IL1RL2: variants seen among roughly 807,000 people sequenced by gnomAD.
IL1RL2 encodes the protein interleukin 1 receptor like 2.
In IL1RL2, 68 loss-of-function variants were observed where a neutral mutation model predicts 66.8. The observed-to-expected ratio is 1.02, with a 90% CI of 0.84 to 1.25. The LOEUF (loss-of-function observed/expected upper bound fraction) is 1.25. IL1RL2 is among the 50% of genes most tolerant of loss of function. The probability of loss-of-function intolerance (pLI) is 0.00; values close to 1 mark genes in which losing one functional copy is unlikely to be tolerated. For missense variants in IL1RL2, 729 were observed against 709.3 expected (o/e 1.03, Z -0.32); for synonymous variants, 305 against 264.6 (o/e 1.15, Z -1.48).
At chr2:102,237,641 G>A (rs143268078) in intron 11 of IL1RL2, among the ~76,000 whole-genome samples, 6 of 152,308 alleles carry the variant, frequency 3.9e-5, no homozygotes, top group East Asian at 1.9e-4. Context: ...GAGAGAAATC[G>A]AGATGCAAAG....
At chr2:102,207,622 C>G (rs1346499163) in intron 5 of IL1RL2, among the ~76,000 whole-genome samples, 4 of 152,024 alleles carry the variant, frequency 2.6e-5, no homozygotes, top group African/African-American at 7.3e-5. Context: ...CAAGTGAAGT[C>G]CTCTCCGCTC....
At chr2:102,242,701 A>G (rs1403062846), downstream of IL1RL2, among the ~76,000 whole-genome samples, 1 of 152,202 alleles carries the variant, frequency 6.6e-6, no homozygotes, top group African/African-American at 2.4e-5. Flanking sequence ...TACTGAGTCC[A>G]TTGATTCCTG....
intron 6 of IL1RL2, among the ~76,000 whole-genome samples, 169 bp downstream of exon 6, chr2:102,212,343 C>G (rs376842916): frequency 6.6e-6 from 1 of 152,086 alleles, no homozygotes. Flanking sequence ...AATAAAACAC[C>G]AGAGAGCCGA....
At chr2:102,199,063 G>C (rs565890315) in intron 4 of IL1RL2, among the ~76,000 whole-genome samples, 2 of 152,178 alleles carry the variant, frequency 1.3e-5, no homozygotes, top group South Asian at 4.2e-4. Flanking sequence ...TAGAAGTCCT[G>C]CTCCCTCTGC....
chr2:102,199,871 T>C (rs1688093246), intron 4 of IL1RL2, among the ~76,000 whole-genome samples: 1 of 151,990 alleles, frequency 6.6e-6, no homozygotes, highest in Admixed American at 6.6e-5. Flanking sequence ...CATTGTACTT[T>C]GTTTGGGCTG....
chr2:102,195,587 TTC>T (rs1399776957), intron 4 of IL1RL2, among the ~76,000 whole-genome samples: 1 of 16,650 alleles, frequency 6.0e-5, no homozygotes, highest in African/African-American at 1.8e-4. Context: ...CTTTCTTTCT[TTC>T]TTTCTTTCTT....
At chr2:102,232,514 G>A (rs1009037112) in intron 9 of IL1RL2, among the ~76,000 whole-genome samples, 1 of 152,142 alleles carries the variant, frequency 6.6e-6, no homozygotes, top group Non-Finnish European at 1.5e-5. Context: ...ATTTTCTTTG[G>A]AGAGTCTTGT....
intron 5 of IL1RL2, 128 bp from the exon 6 acceptor site, chr2:102,211,972 A>T: frequency 3.7e-6 from 2 of 547,782 alleles, no homozygotes; most frequent in Non-Finnish European, 3.2e-6. Flanking sequence ...ATGTGTATTT[A>T]TGGAGTGAGA....
intron 11 of IL1RL2, among the ~76,000 whole-genome samples, chr2:102,238,054 T>C (rs1236553666): frequency 6.6e-6 from 1 of 152,172 alleles, no homozygotes; most frequent in East Asian, 1.9e-4. Flanking sequence ...ACAAAGTTTT[T>C]TAATACTATG....
chr2:102,242,394 T>C (rs906048241), downstream of IL1RL2, among the ~76,000 whole-genome samples: 1 of 152,196 alleles, frequency 6.6e-6, no homozygotes, highest in Non-Finnish European at 1.5e-5. Flanking sequence ...AATTAAGAAC[T>C]GTCTCCCATG....
At chr2:102,241,112 C>G (rs34619932), downstream of IL1RL2, among the ~76,000 whole-genome samples, 812 of 152,366 alleles carry the variant, frequency 5.3e-3, 6 homozygotes, top group African/African-American at 0.018. Flanking sequence ...GGTGGGCGGG[C>G]ATCCCGGGGT....
Position 102,235,093 on chromosome 2 carries a change from A to G in IL1RL2, c.1494A>G (p.Pro498=). The G allele has an allele frequency of 6.2e-7, 1 of 1,614,236 alleles. No individual in the cohort carries two copies. Among genetic ancestry groups the G allele is most frequent in the South Asian group, 1.1e-5 (1 of 91,086 alleles). ...AAATCGAGGACTACACAGTCATGCC[A>G]GAGTCAATTCAGTACATCAAACAGA... ...LEKIEDYTVM[P]ESIQYIKQKH... is the part of the protein sequence containing the mutation. Residue 498 remains proline (P), a synonymous_variant, in exon 11 of 12, where the codon CCA becomes CCG. Coordinates refer to ENST00000264257, the MANE Select transcript of IL1RL2 (RefSeq NM_003854.4).
At chr2:102,214,246 T>G (rs899418835) in intron 6 of IL1RL2, among the ~76,000 whole-genome samples, 4 of 152,174 alleles carry the variant, frequency 2.6e-5, no homozygotes, top group African/African-American at 9.7e-5. Flanking sequence ...GGGAGGAAGA[T>G]AAACATAACT....
chr2:102,241,108 C>T (rs1675220422), downstream of IL1RL2, among the ~76,000 whole-genome samples: 3 of 152,180 alleles, frequency 2.0e-5, no homozygotes, highest in Non-Finnish European at 4.4e-5. Flanking sequence ...TACAGGTGGG[C>T]GGGCATCCCG....
At position 102,219,095 on chromosome 2, in the gene IL1RL2, C is replaced by T; in HGVS notation, c.854+13C>T. The T allele has an allele frequency of 6.2e-7, 1 of 1,613,452 alleles. No homozygotes were observed. The highest frequency in any genetic ancestry group is 8.5e-7 in the Non-Finnish European group (1 of 1,179,534). ...GAGAAGGGGTGGAGTAGGTGTTTTGCTTTTTTGACTTCTCTAAACGCTAGC... is the reference window on the plus strand; with the variant it reads ...GAGAAGGGGTGGAGTAGGTGTTTTGTTTTTTTGACTTCTCTAAACGCTAGC... On this transcript the variant is annotated intron_variant, in intron 7 of 11. Coordinates refer to ENST00000264257, the MANE Select transcript of IL1RL2 (RefSeq NM_003854.4).
intron 4 of IL1RL2, among the ~76,000 whole-genome samples, chr2:102,198,771 C>T (rs553643284): frequency 2.6e-5 from 4 of 152,162 alleles, no homozygotes; most frequent in East Asian, 1.9e-4. Flanking sequence ...CTTCTGTGCT[C>T]GCTTTTGCTT....
chr2:102,190,138 G>T (rs1687106131), intron 3 of IL1RL2, among the ~76,000 whole-genome samples: 1 of 152,230 alleles, frequency 6.6e-6, no homozygotes, highest in Non-Finnish European at 1.5e-5. Context: ...GCTGGTGACT[G>T]TGGTCAGCTG....
chr2:102,195,605 CTT>C (rs1559529996), intron 4 of IL1RL2, among the ~76,000 whole-genome samples: 24 of 17,856 alleles, frequency 1.3e-3, no homozygotes, highest in Non-Finnish European at 2.5e-3. Flanking sequence ...TTCTTTCTTT[CTT>C]TCTTTCTTTC....
chr2:102,211,327 A>T (rs891203801), intron 5 of IL1RL2, among the ~76,000 whole-genome samples: 3 of 152,186 alleles, frequency 2.0e-5, no homozygotes, highest in African/African-American at 7.2e-5. Context: ...AGAAAGACTG[A>T]GGGGCAGGGA....
Sources: allele counts gnomAD v4.1 joint callset (sites outside exome capture counted in the v4.1 genomes callset), GRCh38; gene constraint gnomAD v4.1.1; transcripts MANE v1.5; gene names NCBI Gene and HGNC (gene_info 2026-07-23, HGNC 2026-07-21).